Variants in TDRD3 observed in about 807,000 individuals in gnomAD.
TDRD3 encodes tudor domain-containing protein 3.
Under a neutral mutation model 86.7 loss-of-function variants are expected in TDRD3, and 45 were observed. That is an observed-to-expected ratio of 0.52 (90% CI 0.41 to 0.67). The LOEUF is 0.67. Ranked by LOEUF, TDRD3 falls within the 30% of genes least tolerant of loss-of-function variation. The pLI is 0.00. For synonymous variants in TDRD3, 298 were observed against 301.7 expected (o/e 0.99, Z 0.13); for missense variants, 814 against 889.0 (o/e 0.92, Z 1.07).
intron 5 of TDRD3, among the ~76,000 whole-genome samples, chr13:60,471,088 T>A (rs370270180): frequency 6.6e-6 from 1 of 152,186 alleles, no homozygotes; most frequent in Admixed American, 6.5e-5. Context: ...TAATATGTTT[T>A]GCAAATATTT....
At chr13:60,528,263 A>C in intron 10 of TDRD3, 104 bp from the exon 11 acceptor site, 14 of 1,265,010 alleles carry the variant, frequency 1.1e-5, no homozygotes, top group Non-Finnish European at 1.4e-5. Context: ...AGATTTTAGA[A>C]TAGTAGTTTG....
chr13:60,509,557 C>T, intron 8 of TDRD3: 1 of 586,092 alleles, frequency 1.7e-6, no homozygotes, highest in Non-Finnish European at 3.0e-6. Flanking sequence ...CTTGTGAGGT[C>T]AGAGAATACT....
At chr13:60,462,204 C>T (rs932513627) in intron 4 of TDRD3, among the ~76,000 whole-genome samples, 6 of 152,196 alleles carry the variant, frequency 3.9e-5, no homozygotes, top group African/African-American at 1.4e-4. Flanking sequence ...AGTCACACCC[C>T]TTGCAAGGGA....
At chr13:60,472,074 A>G (rs1162813265) in intron 5 of TDRD3, among the ~76,000 whole-genome samples, 1 of 152,064 alleles carries the variant, frequency 6.6e-6, no homozygotes, top group African/African-American at 2.4e-5. Flanking sequence ...TATTTTTATT[A>G]TAAAAGTGTG....
At chr13:60,544,509 T>C (rs1439057515) in intron 12 of TDRD3, among the ~76,000 whole-genome samples, 1 of 151,428 alleles carries the variant, frequency 6.6e-6, no homozygotes, top group East Asian at 1.9e-4. Context: ...GTAAATTCCA[T>C]TGGGTATGTG....
chr13:60,415,819 C>T (rs1351842508), intron 1 of TDRD3, among the ~76,000 whole-genome samples: 1 of 152,018 alleles, frequency 6.6e-6, no homozygotes, highest in African/African-American at 2.4e-5. Context: ...TAGTTCTGGC[C>T]TTTATTTCAA....
At position 60,562,238 on chromosome 13, in the gene TDRD3, A is replaced by G. The variant is rs191330968; in HGVS notation, c.2119-5287A>G. Among the ~76,000 whole-genome samples, 749 of 152,114 alleles carry G rather than the reference A, an allele frequency of 4.9e-3. 3 individuals carry two copies. The highest frequency in any genetic ancestry group is 0.024 in the Middle Eastern group (7 of 294). ...TGAGACAGAAGAATAGCTTGAATCCAGGAGGTGGAGGTTGCAGCGAGCCAA... is the reference window on the plus strand; with the variant it reads ...TGAGACAGAAGAATAGCTTGAATCCGGGAGGTGGAGGTTGCAGCGAGCCAA... On this transcript the variant is annotated intron_variant, in intron 12 of 13. Coordinates refer to ENST00000377881, the MANE Select transcript of TDRD3 (RefSeq NM_001146070.2).
At chr13:60,464,818 G>C (rs1022823221) in intron 4 of TDRD3, among the ~76,000 whole-genome samples, 4 of 152,060 alleles carry the variant, frequency 2.6e-5, no homozygotes, top group African/African-American at 9.7e-5. Context: ...ATAAGGAGGG[G>C]TTGGTTAATG....
intron 11 of TDRD3, among the ~76,000 whole-genome samples, chr13:60,531,767 C>A (rs1374332931): frequency 6.6e-6 from 1 of 152,098 alleles, no homozygotes; most frequent in Non-Finnish European, 1.5e-5. Context: ...ATAACATCTT[C>A]TACAACCTTT....
intron 7 of TDRD3, among the ~76,000 whole-genome samples, chr13:60,493,798 A>G (rs1159216524): frequency 6.6e-6 from 1 of 152,212 alleles, no homozygotes; most frequent in Non-Finnish European, 1.5e-5. Flanking sequence ...TCTTTTCCTA[A>G]TAGTTTTGAA....
chr13:60,488,871 A>G (rs1367838886), intron 7 of TDRD3, among the ~76,000 whole-genome samples: 1 of 152,202 alleles, frequency 6.6e-6, no homozygotes. Context: ...GTGAGCTACC[A>G]TGCCTGGCCG....
chr13:60,473,981 C>T (rs1594981596), intron 5 of TDRD3, among the ~76,000 whole-genome samples: 2 of 152,132 alleles, frequency 1.3e-5, no homozygotes, highest in Non-Finnish European at 2.9e-5. Flanking sequence ...TGTGAAAGGC[C>T]TGACTGATGG....
At chr13:60,461,764 G>A (rs749385989) in intron 4 of TDRD3, among the ~76,000 whole-genome samples, 1 of 152,182 alleles carries the variant, frequency 6.6e-6, no homozygotes, top group Non-Finnish European at 1.5e-5. Context: ...TATATAAACT[G>A]AGAGGTCTAA....
chr13:60,401,845 C>T (rs1954111230), intron 1 of TDRD3, among the ~76,000 whole-genome samples: 1 of 152,208 alleles, frequency 6.6e-6, no homozygotes, highest in African/African-American at 2.4e-5. Context: ...ACTCCTTTCC[C>T]TTCATTTCAC....
At chr13:60,540,745 TAAC>T (rs1957791085) in intron 12 of TDRD3, among the ~76,000 whole-genome samples, 1 of 152,162 alleles carries the variant, frequency 6.6e-6, no homozygotes, top group Non-Finnish European at 1.5e-5. Flanking sequence ...TATCTGATAA[TAAC>T]ATATTATAAT....
intron 1 of TDRD3, among the ~76,000 whole-genome samples, chr13:60,410,078 G>A (rs9528132): frequency 7.2e-5 from 11 of 151,838 alleles, no homozygotes; most frequent in African/African-American, 2.7e-4. Flanking sequence ...CTTTTGCTTC[G>A]TCCTCATTTT....
chr13:60,406,114 A>C (rs1034189385), intron 1 of TDRD3, among the ~76,000 whole-genome samples: 6 of 152,202 alleles, frequency 3.9e-5, no homozygotes, highest in Non-Finnish European at 8.8e-5. Context: ...CCTTTAAGTC[A>C]TCTAAAATAA....
At chr13:60,397,473 G>C in intron 1 of TDRD3, 68 bp downstream of exon 1, 2 of 1,338,298 alleles carry the variant, frequency 1.5e-6, no homozygotes, top group Non-Finnish European at 2.0e-6. Context: ...GGTTGGGTTG[G>C]GGGCGGCGGG....
chr13:60,549,208 T>A (rs1041656943), intron 12 of TDRD3, among the ~76,000 whole-genome samples: 2 of 152,138 alleles, frequency 1.3e-5, no homozygotes, highest in Admixed American at 1.3e-4. Context: ...TACATTTTAC[T>A]TTTAAAAAGT....
Sources: gnomAD v4.1 joint callset for allele counts (sites outside exome capture counted in the v4.1 genomes callset) on GRCh38, gnomAD v4.1.1 for gene constraint, MANE v1.5 for transcripts, NCBI Gene and HGNC (gene_info 2026-07-23, HGNC 2026-07-21) for gene names.